The following ADAMTS17 variants were observed in gnomAD, a reference collection of about 807,000 sequenced individuals.
The protein encoded by ADAMTS17 is A disintegrin and metalloproteinase with thrombospondin motifs 17.
ADAMTS17 carries 113 observed loss-of-function variants against 141.5 expected under a neutral mutation model. The ratio of observed to expected loss-of-function variants is 0.80; its 90% CI spans 0.69 to 0.93. The LOEUF (loss-of-function observed/expected upper bound fraction) is 0.93, where lower values mean the gene tolerates loss of function less well. ADAMTS17 is among the 40% of genes least tolerant of loss of function. ADAMTS17 has a pLI of 0.00. For synonymous variants in ADAMTS17, 768 were observed against 630.6 expected, an observed-to-expected ratio of 1.22 and a Z score of -3.27; for missense variants, 1,659 against 1,517.9, an observed-to-expected ratio of 1.09 and a Z score of -1.54.
chr15:100,300,973 C>A (rs900413121), intron 3 of ADAMTS17, among the ~76,000 whole-genome samples: 2 of 152,204 alleles, frequency 1.3e-5, no homozygotes, highest in African/African-American at 4.8e-5. Flanking sequence ...TTAATGTTAG[C>A]CTCTTCCACC....
chr15:100,168,063 C>G (rs1285016644), intron 8 of ADAMTS17, among the ~76,000 whole-genome samples: 1 of 152,188 alleles, frequency 6.6e-6, no homozygotes, highest in African/African-American at 2.4e-5. Flanking sequence ...TACGTGTTGG[C>G]TTTCTGGGAC....
At chr15:100,121,968 A>C (rs557747989) in intron 12 of ADAMTS17, among the ~76,000 whole-genome samples, 1 of 152,198 alleles carries the variant, frequency 6.6e-6, no homozygotes, top group South Asian at 2.1e-4. Context: ...CTTCCCAGAG[A>C]GTTCCACCAG....
chr15:100,274,306 T>G (rs1233008445), intron 4 of ADAMTS17, among the ~76,000 whole-genome samples: 1 of 152,242 alleles, frequency 6.6e-6, no homozygotes, highest in Non-Finnish European at 1.5e-5. Flanking sequence ...ACTGTGTATT[T>G]CTCTCAGTTC....
chr15:100,200,667 G>A (rs2041294630), intron 7 of ADAMTS17, among the ~76,000 whole-genome samples: 1 of 152,202 alleles, frequency 6.6e-6, no homozygotes, highest in Non-Finnish European at 1.5e-5. Flanking sequence ...TCACATTGGG[G>A]GTTGGTGGGC....
At chr15:100,154,136 G>A (rs182667074) in intron 9 of ADAMTS17, among the ~76,000 whole-genome samples, 27 of 152,168 alleles carry the variant, frequency 1.8e-4, no homozygotes, top group South Asian at 1.0e-3. Flanking sequence ...AGCCAAGATC[G>A]CACCACTGCA....
chr15:100,305,704 T>A (rs2045200985), intron 3 of ADAMTS17, among the ~76,000 whole-genome samples: 2 of 152,210 alleles, frequency 1.3e-5, no homozygotes, highest in Admixed American at 1.3e-4. Context: ...GTGGTTTTAC[T>A]GATGCATTCA....
Position 99,997,237 on chromosome 15 carries a change from A to T in ADAMTS17, c.2796+148T>A, listed in dbSNP as rs1373216809. ...TTCCGCAGCCAGGCTGTTATCTGAG[A>T]TGGAAATTAAGAACACATGAGCTAT... On this transcript the variant is annotated intron_variant, in intron 19 of 21. Coordinates refer to ENST00000268070, the MANE Select transcript of ADAMTS17 (RefSeq NM_139057.4). This position sits in a 1 kb window ranked among gnomAD's most constrained non-coding sequence, Gnocchi z 4.7. 3.7e-5 allele frequency: 32 copies of T among 866,506 alleles called. No homozygotes were observed. Among genetic ancestry groups the T allele is most frequent in the Non-Finnish European group, 5.9e-5 (31 of 528,084 alleles). The allele number at this position is 866,506 out of a possible 1,614,324, so 53.7% of individuals were successfully genotyped here. A position where few individuals can be genotyped will look rare whatever the true frequency, so the allele number is the denominator to read the frequency against.
intron 7 of ADAMTS17, among the ~76,000 whole-genome samples, chr15:100,240,465 C>A (rs2042796231): frequency 6.6e-6 from 1 of 152,220 alleles, no homozygotes; most frequent in South Asian, 2.1e-4. Flanking sequence ...TGTCCTCCCA[C>A]TCTCTGCCAA....
chr15:100,055,292 G>A (rs899311523), intron 15 of ADAMTS17, among the ~76,000 whole-genome samples: 3 of 152,184 alleles, frequency 2.0e-5, no homozygotes, highest in African/African-American at 7.2e-5. Flanking sequence ...ATTTAATACT[G>A]ATTTTGGAAA....
chr15:100,189,063 A>G (rs990918924), intron 8 of ADAMTS17, among the ~76,000 whole-genome samples: 1 of 152,216 alleles, frequency 6.6e-6, no homozygotes, highest in African/African-American at 2.4e-5. Flanking sequence ...GTTCTACACG[A>G]GTCCCCTGGC....
intron 7 of ADAMTS17, among the ~76,000 whole-genome samples, chr15:100,253,495 G>GGGGGAGGGGAACGTAGAA (rs769781992): frequency 0.012 from 469 of 38,876 alleles, 124 homozygotes; most frequent in Non-Finnish European, 0.019. Context: ...GGAACGTAGA[G>GGGGGAGGGGAACGTAGAA]GGGGAGGGGA....
intron 3 of ADAMTS17, among the ~76,000 whole-genome samples, chr15:100,286,954 C>A (rs2044466664): frequency 6.6e-6 from 1 of 152,174 alleles, no homozygotes; most frequent in Non-Finnish European, 1.5e-5. Flanking sequence ...CTTTGCAAGG[C>A]CGAAGTGGGC....
chr15:100,101,310 G>C (rs774446035), intron 14 of ADAMTS17, among the ~76,000 whole-genome samples: 1 of 152,152 alleles, frequency 6.6e-6, no homozygotes, highest in Admixed American at 6.5e-5. Context: ...GAATGATCAC[G>C]TTTGTGAGCT....
intron 19 of ADAMTS17, among the ~76,000 whole-genome samples, chr15:99,994,136 C>T (rs1006313395): frequency 3.3e-5 from 5 of 152,082 alleles, no homozygotes; most frequent in East Asian, 1.9e-4. Context: ...CCCACAGCCT[C>T]GGGAAGACAA....
In ADAMTS17 at chr15:100,075,337, TCTC is replaced by T. The variant is rs551545442; in HGVS notation, c.2137+21016_2137+21018del. On this transcript the variant is annotated intron_variant, in intron 15 of 21. Transcript: ENST00000268070. ...AGTTTCTCTAATAAATTCTTGCTGG[TCTC>T]AAATGTGTTCCCTTTGAGATGGGCT... is the stretch of plus-strand genomic sequence containing the variant. Among the ~76,000 whole-genome samples the T allele has an allele frequency of 3.3e-4, 51 of 152,354 alleles. No homozygotes were observed. The East Asian group carries it at 8.7e-3, about 26-fold the overall frequency.
chr15:100,258,739 C>G (rs1651708415), intron 6 of ADAMTS17, among the ~76,000 whole-genome samples: 1 of 152,144 alleles, frequency 6.6e-6, no homozygotes. Context: ...TTTTGTTTTA[C>G]AGTAGCCATT....
intron 8 of ADAMTS17, among the ~76,000 whole-genome samples, chr15:100,171,846 A>G (rs1437280259): frequency 6.6e-6 from 1 of 152,242 alleles, no homozygotes; most frequent in Non-Finnish European, 1.5e-5. Context: ...CTCTGCTGCT[A>G]AGAACTTCTT....
intron 15 of ADAMTS17, among the ~76,000 whole-genome samples, chr15:100,061,962 G>A (rs1248207195): frequency 6.6e-6 from 1 of 152,256 alleles, no homozygotes; most frequent in Non-Finnish European, 1.5e-5. Context: ...CAATGCAAAT[G>A]CTGGTGAGGT....
At chr15:100,323,011 C>G (rs1346340901) in intron 3 of ADAMTS17, among the ~76,000 whole-genome samples, 1 of 142,540 alleles carries the variant, frequency 7.0e-6, no homozygotes, top group Non-Finnish European at 1.5e-5. Flanking sequence ...GGCATGGACC[C>G]GGGAGGCGGA....
Sources: gnomAD v4.1 joint callset for allele counts (sites outside exome capture counted in the v4.1 genomes callset) on GRCh38, gnomAD v4.1.1 for gene constraint, Gnocchi (gnomAD v3.1) non-coding constraint, MANE v1.5 for transcripts, NCBI Gene and HGNC (gene_info 2026-07-23, HGNC 2026-07-21) for gene names.